The following ATP6V1H variants were observed in gnomAD, a reference collection of about 807,000 sequenced individuals.
ATP6V1H encodes the protein V-type proton ATPase subunit H.
Under a neutral mutation model 71.7 loss-of-function variants are expected in ATP6V1H, and 39 were observed. That is an observed-to-expected ratio of 0.54 (90% CI 0.42 to 0.71). The LOEUF is 0.71. Ranked by LOEUF, ATP6V1H falls within the 30% of genes least tolerant of loss-of-function variation. The pLI is 0.00. For missense variants in ATP6V1H, 509 were observed against 594.9 expected, an observed-to-expected ratio of 0.86 and a Z score of 1.50; for synonymous variants, 192 against 199.3, an observed-to-expected ratio of 0.96 and a Z score of 0.31.
intron 13 of ATP6V1H, among the ~76,000 whole-genome samples, chr8:53,731,287 G>C (rs1453826046): frequency 6.6e-6 from 1 of 152,090 alleles, no homozygotes; most frequent in Non-Finnish European, 1.5e-5. Context: ...CTCACGATAA[G>C]GAAGGAGACC....
intron 7 of ATP6V1H, among the ~76,000 whole-genome samples, chr8:53,807,765 A>T (rs1308270961): frequency 3.4e-4 from 52 of 152,366 alleles, no homozygotes; most frequent in Non-Finnish European, 2.9e-4. Flanking sequence ...AATTTATTAA[A>T]AATCACTGAA....
intron 11 of ATP6V1H, among the ~76,000 whole-genome samples, 192 bp from the exon 12 acceptor site, chr8:53,756,848 A>T (rs1160409999): frequency 6.6e-6 from 1 of 152,224 alleles, no homozygotes; most frequent in East Asian, 1.9e-4. Flanking sequence ...AGTTTCTTTC[A>T]GATTCACAAT....
At chr8:53,770,322 C>A (rs1161205667) in intron 10 of ATP6V1H, among the ~76,000 whole-genome samples, 1 of 152,094 alleles carries the variant, frequency 6.6e-6, no homozygotes, top group Non-Finnish European at 1.5e-5. Flanking sequence ...TAACAAACTG[C>A]AATTCACCTT....
intron 9 of ATP6V1H, among the ~76,000 whole-genome samples, chr8:53,782,115 T>C (rs1312828107): frequency 3.3e-5 from 5 of 151,666 alleles, no homozygotes; most frequent in African/African-American, 1.2e-4. Context: ...GCACTGAATC[T>C]ATAAATTACC....
intron 2 of ATP6V1H, among the ~76,000 whole-genome samples, chr8:53,834,960 C>T (rs576143636): frequency 1.3e-5 from 2 of 151,966 alleles, no homozygotes; most frequent in Non-Finnish European, 2.9e-5. Flanking sequence ...TGGGCAACAC[C>T]GTGAGATCCC....
At chr8:53,825,960 A>C (rs970983531) in intron 4 of ATP6V1H, among the ~76,000 whole-genome samples, 1 of 152,206 alleles carries the variant, frequency 6.6e-6, no homozygotes, top group Non-Finnish European at 1.5e-5. Context: ...GCTAAGACAA[A>C]AAGGTAAATA....
intron 13 of ATP6V1H, among the ~76,000 whole-genome samples, chr8:53,731,299 C>T (rs1200265725): frequency 6.6e-6 from 1 of 152,134 alleles, no homozygotes; most frequent in African/African-American, 2.4e-5. Context: ...AAGGAGACCA[C>T]CTCTCTTATT....
intron 4 of ATP6V1H, among the ~76,000 whole-genome samples, chr8:53,819,549 T>C (rs1368008599): frequency 1.2e-4 from 5 of 40,032 alleles, no homozygotes; most frequent in East Asian, 7.2e-4. Flanking sequence ...AAAAAAAGCA[T>C]ATATATATAT....
intron 2 of ATP6V1H, 22 bp downstream of exon 2, chr8:53,841,556 T>C (rs1811343675): frequency 6.2e-7 from 1 of 1,613,100 alleles, no homozygotes; most frequent in East Asian, 2.2e-5. Context: ...CTGTCCATGA[T>C]TCACAGCAAA....
At chr8:53,765,136 G>A (rs1173814435) in intron 11 of ATP6V1H, among the ~76,000 whole-genome samples, 1 of 152,082 alleles carries the variant, frequency 6.6e-6, no homozygotes, top group Non-Finnish European at 1.5e-5. Context: ...AGGCATGGTG[G>A]CTCCCATCTG....
At chr8:53,794,451 C>T (rs1055568423) in intron 9 of ATP6V1H, among the ~76,000 whole-genome samples, 15 of 152,184 alleles carry the variant, frequency 9.9e-5, no homozygotes, top group South Asian at 6.2e-4. Flanking sequence ...CTGCAACCTC[C>T]GACTCCCTGG....
chr8:53,753,075 C>A, intron 12 of ATP6V1H, among the ~76,000 whole-genome samples: 1 of 148,464 alleles, frequency 6.7e-6, no homozygotes, highest in Non-Finnish European at 1.5e-5. Flanking sequence ...ATGAGAGAAA[C>A]CATGCCTTTT....
At chr8:53,768,791 C>T (rs767802984) in intron 11 of ATP6V1H, among the ~76,000 whole-genome samples, 14 of 152,016 alleles carry the variant, frequency 9.2e-5, no homozygotes, top group African/African-American at 2.2e-4. Flanking sequence ...AGAGAGGTGA[C>T]GGCCAAAGGA....
rs186403656 is a variant in ATP6V1H at position 53,755,264 on chromosome 8, T to C, written c.1277+1291A>G. Among the ~76,000 whole-genome samples the C allele has an allele frequency of 2.2e-3, 336 of 152,282 alleles. 2 individuals carry two copies. Among genetic ancestry groups the C allele is most frequent in the African/African-American group, 7.8e-3 (324 of 41,554 alleles). On this transcript the variant is annotated intron_variant, in intron 12 of 13. Coordinates refer to ENST00000359530, the MANE Select transcript of ATP6V1H (RefSeq NM_015941.4). ...TCTTCAGATGCTGAGGTTGCTGTTA[T>C]CCTTCCACTGCTACAAAATCTATGT...
chr8:53,798,030 T>C (rs1168439872), intron 8 of ATP6V1H, among the ~76,000 whole-genome samples: 1 of 152,202 alleles, frequency 6.6e-6, no homozygotes, highest in Non-Finnish European at 1.5e-5. Context: ...GGCCCACTTA[T>C]AGCTCCAATA....
chr8:53,786,217 C>G (rs1459107219), intron 9 of ATP6V1H, among the ~76,000 whole-genome samples: 4 of 152,340 alleles, frequency 2.6e-5, no homozygotes, highest in African/African-American at 9.6e-5. Context: ...CTTCGTTTAC[C>G]TACTCAAGCC....
chr8:53,748,569 A>G (rs543188899), intron 12 of ATP6V1H, among the ~76,000 whole-genome samples: 1 of 152,370 alleles, frequency 6.6e-6, no homozygotes, highest in African/African-American at 2.4e-5. Context: ...GTACCTATAC[A>G]TAGCATTAAA....
chr8:53,737,430 A>C (rs1807257276), intron 13 of ATP6V1H, among the ~76,000 whole-genome samples: 1 of 152,256 alleles, frequency 6.6e-6, no homozygotes, highest in Non-Finnish European at 1.5e-5. Context: ...CCAGACACTG[A>C]AATGTTTTCT....
intron 8 of ATP6V1H, among the ~76,000 whole-genome samples, chr8:53,797,425 G>C (rs6997127): frequency 1.3e-5 from 2 of 152,024 alleles, no homozygotes; most frequent in Admixed American, 6.5e-5. Flanking sequence ...CCTCAAAGAT[G>C]TCAGCACTAG....
Sources: gnomAD v4.1 joint callset for allele counts (sites outside exome capture counted in the v4.1 genomes callset) on GRCh38, gnomAD v4.1.1 for gene constraint, MANE v1.5 for transcripts, NCBI Gene and HGNC (gene_info 2026-07-23, HGNC 2026-07-21) for gene names.